PM20D2: variants seen among roughly 807,000 people sequenced by gnomAD.
PM20D2 encodes peptidase M20 domain containing 2, also known as xaa-Arg dipeptidase.
A neutral mutation model predicts 42.9 loss-of-function variants in PM20D2; 33 were observed. The ratio of observed to expected loss-of-function variants is 0.77; its 90% CI spans 0.58 to 1.03. The LOEUF (loss-of-function observed/expected upper bound fraction) is 1.03. PM20D2 is among the 50% of genes least tolerant of loss of function. The pLI, the probability that PM20D2 is intolerant of heterozygous loss-of-function variation, is 0.00. For missense variants in PM20D2, 548 were observed against 557.0 expected (o/e 0.98, Z 0.16); for synonymous variants, 250 against 228.2 (o/e 1.10, Z -0.86).
the PM20D2 span, among the ~76,000 whole-genome samples, chr6:89,130,819 C>CTTTTTTTTTTTTTTTTTTTTTT: frequency 2.5e-4 from 6 of 24,056 alleles, no homozygotes; most frequent in African/African-American, 8.6e-4. Context: ...GCTTCTTCTT[C>CTTTTTTTTTTTTTTTTTTTTTT]TTTTTTTTTT....
intron 4 of PM20D2, among the ~76,000 whole-genome samples, chr6:89,156,365 T>A (rs373172552): frequency 5.2e-4 from 79 of 152,342 alleles, no homozygotes; most frequent in African/African-American, 1.8e-3. Context: ...TAGAAATGTT[T>A]AGTGTCTTTG....
At chr6:89,133,450 C>T in the PM20D2 span, among the ~76,000 whole-genome samples, 1 of 150,976 alleles carries the variant, frequency 6.6e-6, no homozygotes, top group African/African-American at 2.5e-5. Context: ...TCTTCAGAAG[C>T]TCTCAGCAGG....
At chr6:89,107,138 A>G in the PM20D2 span, 12 of 1,609,170 alleles carry the variant, frequency 7.5e-6, no homozygotes, top group African/African-American at 2.7e-5. Context: ...CATGCACACA[A>G]TAAAATAAAG....
intron 1 of PM20D2, among the ~76,000 whole-genome samples, chr6:89,148,045 A>G (rs977917662): frequency 1.8e-4 from 23 of 128,006 alleles, no homozygotes; most frequent in African/African-American, 6.7e-4. Context: ...CAGTGGTCCT[A>G]TCTCGGCTCA....
the PM20D2 span, among the ~76,000 whole-genome samples, chr6:89,103,991 C>CTTTTTTTTTTTTTTTTTTTTTTTTT: frequency 1.2e-5 from 1 of 81,950 alleles, no homozygotes; most frequent in Admixed American, 1.6e-4. Context: ...TATTATATTT[C>CTTTTTTTTTTTTTTTTTTTTTTTTT]TTTTTTTTTT....
At chr6:89,099,261 G>A in the PM20D2 span, among the ~76,000 whole-genome samples, 1 of 151,424 alleles carries the variant, frequency 6.6e-6, no homozygotes, top group African/African-American at 2.4e-5. Context: ...AAGAAAAAAA[G>A]ATTAAAAAAA....
At chr6:89,156,540 A>C (rs934727108) in intron 4 of PM20D2, among the ~76,000 whole-genome samples, 14 of 152,154 alleles carry the variant, frequency 9.2e-5, no homozygotes, top group African/African-American at 3.4e-4. Flanking sequence ...TGATTGATTC[A>C]CGTAGTAGCA....
At chr6:89,125,520 C>T in the PM20D2 span, among the ~76,000 whole-genome samples, 11 of 151,722 alleles carry the variant, frequency 7.3e-5, no homozygotes, top group East Asian at 2.1e-3. Context: ...GTGGCTCATG[C>T]CTGTAACCTC....
At chr6:89,148,378 C>A in intron 1 of PM20D2, 1 of 234,120 alleles carries the variant, frequency 4.3e-6, no homozygotes, top group Non-Finnish European at 7.0e-6. Context: ...CAAGCCAAGA[C>A]TTTTCCAGCT....
chr6:89,130,387 C>G, the PM20D2 span, among the ~76,000 whole-genome samples: 2,951 of 152,070 alleles, frequency 0.019, 101 homozygotes, highest in African/African-American at 0.067. Context: ...GTGTAAGCCA[C>G]TGTGCCTGGC....
At chr6:89,145,420 C>CT (rs779174018), upstream of PM20D2, among the ~76,000 whole-genome samples, 19 of 152,178 alleles carry the variant, frequency 1.2e-4, no homozygotes, top group Non-Finnish European at 2.4e-4. Context: ...TACCATAAAT[C>CT]TTTTAACTCT....
the PM20D2 span, among the ~76,000 whole-genome samples, chr6:89,129,353 C>T: frequency 6.6e-6 from 1 of 152,152 alleles, no homozygotes; most frequent in African/African-American, 2.4e-5. Flanking sequence ...CAAAAGAAGC[C>T]AGATACTGCA....
chr6:89,105,165 T>C, the PM20D2 span: 1 of 1,612,796 alleles, frequency 6.2e-7, no homozygotes, highest in Non-Finnish European at 8.5e-7. Flanking sequence ...CATGAAGAAC[T>C]TCTACTTCGA....
the PM20D2 span, among the ~76,000 whole-genome samples, chr6:89,111,753 G>A: frequency 6.6e-6 from 1 of 152,068 alleles, no homozygotes; most frequent in Non-Finnish European, 1.5e-5. Context: ...TAAGTATGAT[G>A]TTAGCTATGT....
At chr6:89,104,700 A>G in the PM20D2 span, among the ~76,000 whole-genome samples, 1 of 152,160 alleles carries the variant, frequency 6.6e-6, no homozygotes, top group Non-Finnish European at 1.5e-5. Context: ...TTTAACAAAA[A>G]TTGATTATGT....
At chr6:89,148,957 C>T (rs988238562) in intron 1 of PM20D2, among the ~76,000 whole-genome samples, 6 of 152,284 alleles carry the variant, frequency 3.9e-5, no homozygotes, top group Middle Eastern at 3.4e-3. Context: ...CAAATCCTAA[C>T]AAATTTTGAG....
intron 5 of PM20D2, 82 bp from the exon 6 acceptor site, chr6:89,161,701 A>C: frequency 9.2e-7 from 1 of 1,088,710 alleles, no homozygotes; most frequent in African/African-American, 1.5e-5. Context: ...CGTCTCTTCT[A>C]ACAGGGACTG....
the PM20D2 span, among the ~76,000 whole-genome samples, chr6:89,109,117 C>G: frequency 1.3e-5 from 2 of 152,154 alleles, no homozygotes; most frequent in East Asian, 1.9e-4. Context: ...AGACCATAGA[C>G]TGGCATAAAG....
At chr6:89,116,558 T>G in the PM20D2 span, among the ~76,000 whole-genome samples, 2 of 152,184 alleles carry the variant, frequency 1.3e-5, no homozygotes, top group African/African-American at 4.8e-5. Flanking sequence ...GCGGATCACT[T>G]GAGGTCAGGA....
Sources: gnomAD v4.1 joint callset for allele counts (sites outside exome capture counted in the v4.1 genomes callset) on GRCh38, gnomAD v4.1.1 for gene constraint, MANE v1.5 for transcripts, NCBI Gene and HGNC (gene_info 2026-07-23, HGNC 2026-07-21) for gene names.